The following ELK3 variants were observed in gnomAD, a reference collection of about 807,000 sequenced individuals.
ELK3 encodes ETS transcription factor ELK3.
A neutral mutation model predicts 28.9 loss-of-function variants in ELK3; 10 were observed. The ratio of observed to expected loss-of-function variants is 0.35; its 90% confidence interval spans 0.21 to 0.59. The LOEUF is 0.59. ELK3 is among the 20% of genes least tolerant of loss of function. The pLI, the probability that ELK3 is intolerant of heterozygous loss-of-function variation, is 0.82. For missense variants in ELK3, 463 were observed against 517.3 expected, an observed-to-expected ratio of 0.90 and a Z score of 1.02; for synonymous variants, 272 against 243.5, an observed-to-expected ratio of 1.12 and a Z score of -1.09.
intron 1 of ELK3, among the ~76,000 whole-genome samples, chr12:96,196,798 G>T (rs1037785668): frequency 6.9e-6 from 1 of 144,076 alleles, no homozygotes; most frequent in African/African-American, 2.6e-5. Context: ...AATGTGTGGC[G>T]TTACTAAAAA....
intron 2 of ELK3, chr12:96,224,025 T>G (rs1321142007): frequency 4.0e-6 from 2 of 497,518 alleles, no homozygotes; most frequent in Non-Finnish European, 7.3e-6. Flanking sequence ...AGAACTTTGC[T>G]CACAATACAA....
Position 96,247,597 on chromosome 12 carries a change from C to A in ELK3, c.865C>A (p.Pro289Thr). Reference sequence around the variant, plus strand: ...CAAGACCAAGTCTCCATCTCTTCCCCCAAAGGCCAAAAAACCCAAAGGCTT... The same window carrying A: ...CAAGACCAAGTCTCCATCTCTTCCCACAAAGGCCAAAAAACCCAAAGGCTT... ...GSKTKSPSLPPKAKKPKGLEI... is the reference protein window; with the variant it reads ...GSKTKSPSLPTKAKKPKGLEI... Residue 289 changes from proline (P) to threonine (T), a missense_variant, in exon 3 of 5, where the codon CCA (proline) becomes ACA (threonine). Around this residue, in one of 2 missense-constraint regions of ELK3, gnomAD observed 408 missense variants for 414.8 expected, o/e 0.98. Coordinates refer to ENST00000228741, the MANE Select transcript of ELK3 (RefSeq NM_005230.4). This position sits in a 1 kb window ranked among gnomAD's most constrained non-coding sequence, Gnocchi z 5.5. The A allele has an allele frequency of 6.2e-7, 1 of 1,613,952 alleles. No individual in the cohort carries two copies. Among genetic ancestry groups the A allele is most frequent in the Non-Finnish European group, 8.5e-7 (1 of 1,180,026 alleles).
At chr12:96,264,374 A>G (rs192634377) in intron 4 of ELK3, among the ~76,000 whole-genome samples, 12 of 152,298 alleles carry the variant, frequency 7.9e-5, no homozygotes, top group Admixed American at 7.2e-4. Context: ...GACATTTTAG[A>G]GGTGAGCTCA....
rs903053865 is a variant in ELK3, at chr12:96,247,854, G to T, written c.1002+120G>T. 2.4e-6 allele frequency: 3 copies of T among 1,244,428 alleles called. No individual in the cohort carries two copies. Among genetic ancestry groups the T allele is most frequent in the Non-Finnish European group, 3.2e-6 (3 of 927,734 alleles). 77.1% of individuals were successfully genotyped at this position (1,244,428 alleles called of 1,614,324 possible). ...ACGTTGTCCTATGACTCGTACCGAG[G>T]TCACTGTGTAAATGTGAAGGGAAGC... is the stretch of plus-strand genomic sequence containing the variant. On this transcript the variant is annotated intron_variant, in intron 3 of 4. Coordinates refer to ENST00000228741, the MANE Select transcript of ELK3 (RefSeq NM_005230.4). The surrounding 1 kb of genome is among the most constrained non-coding windows in gnomAD (Gnocchi z 5.5).
intron 1 of ELK3, among the ~76,000 whole-genome samples, chr12:96,196,890 T>C (rs76795276): frequency 0.016 from 2,367 of 152,124 alleles, 76 homozygotes; most frequent in African/African-American, 0.053. Flanking sequence ...GCAGTTCTTT[T>C]ACGGTGGCAA....
rs748094393 is a variant in ELK3, at chr12:96,247,537, G to A, written c.805G>A (p.Asp269Asn). The change falls in exon 3 of 5, where the codon GAT (aspartate) becomes AAT (asparagine). Residue 269 changes from aspartate (D) to asparagine (N), a missense_variant. Asp to Asn is a conservative substitution (Grantham distance 23). Around this residue, in one of 2 missense-constraint regions of ELK3, gnomAD observed 408 missense variants for 414.8 expected, o/e 0.98. Transcript: ENST00000228741. The surrounding 1 kb of genome is among the most constrained non-coding windows in gnomAD (Gnocchi z 5.5). Reference sequence around the variant, plus strand: ...CCTGGAGGCCGCCTGCCATGACTCCGATTCCCTGGAGCCCTTGAACCTGTC... The same window carrying A: ...CCTGGAGGCCGCCTGCCATGACTCCAATTCCCTGGAGCCCTTGAACCTGTC... ...LFLEAACHDS[D>N]SLEPLNLSSG... 1.1e-5 allele frequency: 17 copies of A among 1,613,710 alleles called. No individual in the cohort carries two copies. Among genetic ancestry groups the A allele is most frequent in the South Asian group, 3.3e-5 (3 of 91,066 alleles).
At chr12:96,201,008 C>T (rs1951504411) in intron 1 of ELK3, among the ~76,000 whole-genome samples, 1 of 151,970 alleles carries the variant, frequency 6.6e-6, no homozygotes, top group Non-Finnish European at 1.5e-5. Flanking sequence ...TCTCATTATC[C>T]CTGGCCATTT....
At position 96,268,138 on chromosome 12, in the gene ELK3, A is replaced by G. The variant is rs1952055069; in HGVS notation, c.*958A>G. 6.6e-6 allele frequency: 1 copy of G among 152,242 alleles called. No individual in the cohort carries two copies. The highest frequency in any genetic ancestry group is 1.5e-5 in the Non-Finnish European group (1 of 68,038). 9.4% of individuals were successfully genotyped at this position (152,242 alleles called of 1,614,324 possible). The stretch of plus-strand genomic sequence containing the variant: ...CTATAATTAACATTTAAAAAATCTA[A>G]TGCTTTAGAAGAAGCTCACAGAGTG... On this transcript the variant is annotated 3_prime_UTR_variant, in exon 5 of 5. Coordinates refer to ENST00000228741, the MANE Select transcript of ELK3 (RefSeq NM_005230.4).
At chr12:96,221,865 T>G (rs968522728) in intron 1 of ELK3, among the ~76,000 whole-genome samples, 1 of 152,208 alleles carries the variant, frequency 6.6e-6, no homozygotes, top group African/African-American at 2.4e-5. Context: ...TGGAGAGCAC[T>G]CCTAGTCTAC....
chr12:96,203,265 G>A (rs914187279), intron 1 of ELK3, among the ~76,000 whole-genome samples: 4 of 152,186 alleles, frequency 2.6e-5, no homozygotes, highest in Admixed American at 2.0e-4. Flanking sequence ...TCCAAAACCC[G>A]GGAACCAAAT....
intron 1 of ELK3, among the ~76,000 whole-genome samples, chr12:96,214,702 G>A (rs940880521): frequency 3.3e-5 from 5 of 152,058 alleles, no homozygotes; most frequent in Non-Finnish European, 7.4e-5. Flanking sequence ...CCAACTCACA[G>A]AAATAATAAA....
At chr12:96,253,283 A>G (rs1303073732) in intron 3 of ELK3, among the ~76,000 whole-genome samples, 2 of 152,200 alleles carry the variant, frequency 1.3e-5, no homozygotes, top group Non-Finnish European at 2.9e-5. Context: ...AAATAAATAA[A>G]TAAAAGAGTC....
intron 4 of ELK3, among the ~76,000 whole-genome samples, chr12:96,261,083 A>G (rs142539266): frequency 6.6e-6 from 1 of 152,326 alleles, no homozygotes; most frequent in Non-Finnish European, 1.5e-5. Context: ...CTTCATGATC[A>G]TCTGAGCTGG....
At chr12:96,246,423 G>A (rs1271524693) in intron 2 of ELK3, among the ~76,000 whole-genome samples, 2 of 152,220 alleles carry the variant, frequency 1.3e-5, no homozygotes, top group Non-Finnish European at 2.9e-5. Flanking sequence ...ACTCGGCCAA[G>A]GTTGGGGGAT....
intron 2 of ELK3, among the ~76,000 whole-genome samples, chr12:96,234,167 T>C (rs1462089935): frequency 2.0e-5 from 3 of 152,198 alleles, no homozygotes; most frequent in Non-Finnish European, 4.4e-5. Context: ...GTGCTGCCTG[T>C]CTTGCACGTG....
intron 3 of ELK3, among the ~76,000 whole-genome samples, chr12:96,257,257 A>G (rs1278702823): frequency 6.6e-6 from 1 of 152,208 alleles, no homozygotes; most frequent in African/African-American, 2.4e-5. Context: ...AAGCAACCAC[A>G]TGGTTCTTTA....
At chr12:96,194,877 CG>C (rs1951450916) in intron 1 of ELK3, among the ~76,000 whole-genome samples, 172 bp downstream of exon 1, 1 of 61,218 alleles carries the variant, frequency 1.6e-5, no homozygotes, top group South Asian at 5.3e-4. Context: ...GGGCCGGCCG[CG>C]GGGAGGGGGC....
At chr12:96,243,568 G>C (rs1951835980) in intron 2 of ELK3, among the ~76,000 whole-genome samples, 1 of 151,836 alleles carries the variant, frequency 6.6e-6, no homozygotes, top group African/African-American at 2.4e-5. Context: ...ATAAAAATTA[G>C]GCAGGGCGTG....
chr12:96,223,005 A>G (rs891637864), intron 1 of ELK3: 1 of 161,490 alleles, frequency 6.2e-6, no homozygotes, highest in African/African-American at 2.4e-5. Context: ...ATCTCATGAG[A>G]ACTCAGTCAC....
Sources: allele counts gnomAD v4.1 joint callset (sites outside exome capture counted in the v4.1 genomes callset), GRCh38; gene constraint gnomAD v4.1.1; regional missense constraint gnomAD v4.1.1; non-coding constraint Gnocchi (gnomAD v3.1); transcripts MANE v1.5; gene names NCBI Gene and HGNC (gene_info 2026-07-23, HGNC 2026-07-21).